Variants in PCOLCE2 observed in about 807,000 individuals in gnomAD.
PCOLCE2 encodes procollagen C-proteinase enhancer 2.
PCOLCE2 carries 42 observed loss-of-function variants against 47.0 expected under a neutral mutation model. The observed-to-expected ratio is 0.89, with a 90% CI of 0.70 to 1.16. PCOLCE2 has a LOEUF of 1.16. PCOLCE2 is among the 50% of genes most tolerant of loss of function. The pLI is 0.00. For missense variants in PCOLCE2, 500 were observed against 526.1 expected, an observed-to-expected ratio of 0.95 and a Z score of 0.49; for synonymous variants, 169 against 191.7, an observed-to-expected ratio of 0.88 and a Z score of 0.98.
At chr3:142,862,512 T>C (rs1933198658) in intron 2 of PCOLCE2, among the ~76,000 whole-genome samples, 1 of 152,224 alleles carries the variant, frequency 6.6e-6, no homozygotes, top group African/African-American at 2.4e-5. Flanking sequence ...ACTGTAATTT[T>C]GGTGGGAAGA....
At chr3:142,868,787 C>T (rs1171408658) in intron 2 of PCOLCE2, among the ~76,000 whole-genome samples, 17 of 152,234 alleles carry the variant, frequency 1.1e-4, no homozygotes, top group Admixed American at 1.1e-3. Context: ...CTTCCCCTCC[C>T]TTGTCAAGTG....
chr3:142,826,888 C>T (rs1055879141), intron 6 of PCOLCE2, among the ~76,000 whole-genome samples: 3 of 152,162 alleles, frequency 2.0e-5, no homozygotes, highest in Non-Finnish European at 2.9e-5. Flanking sequence ...CCTCCTCCCT[C>T]GCCACTGCTT....
chr3:142,831,562 C>T (rs1937152032), intron 5 of PCOLCE2, among the ~76,000 whole-genome samples: 1 of 152,208 alleles, frequency 6.6e-6, no homozygotes, highest in African/African-American at 2.4e-5. Context: ...TTAAATAATG[C>T]TTCTGAGATT....
At position 142,863,488 on chromosome 3, in the gene PCOLCE2, T is replaced by C. The variant is rs73232752; in HGVS notation, c.193-15016A>G. 6.3e-3 allele frequency among the ~76,000 whole-genome samples: 956 copies of C among 152,284 alleles called. 3 individuals carry two copies. Among genetic ancestry groups the C allele is most frequent in the Non-Finnish European group, 0.011 (723 of 68,018 alleles). ...CCAGTTCTCTCAGGAAAGAGGACAT[T>C]TGATCAGATAGATGGGACATGGAAA... On this transcript the variant is annotated intron_variant, in intron 2 of 8. Transcript: ENST00000295992.
At chr3:142,847,119 C>T (rs1010627574) in intron 3 of PCOLCE2, among the ~76,000 whole-genome samples, 1 of 152,202 alleles carries the variant, frequency 6.6e-6, no homozygotes, top group African/African-American at 2.4e-5. Context: ...CTTGGCTAGA[C>T]TCAAACTTAA....
chr3:142,884,202 G>A (rs946575686), intron 2 of PCOLCE2, among the ~76,000 whole-genome samples: 2 of 152,174 alleles, frequency 1.3e-5, no homozygotes, highest in African/African-American at 4.8e-5. Flanking sequence ...CTGTAATAGA[G>A]GGGTCCAGGT....
rs570427725 is a variant in PCOLCE2 at position 142,820,627 on chromosome 3, C to T, written c.1117+251G>A. 2.6e-5 allele frequency among the ~76,000 whole-genome samples: 4 copies of T among 152,310 alleles called. No homozygotes were observed. The South Asian group carries it at 8.3e-4, about 32-fold the overall frequency. The stretch of plus-strand genomic sequence containing the variant: ...TAGTCTAAAATCTCTCCACCCTGCA[C>T]TGCTCTGTGTGTCTGTTGCCTATTG... On this transcript the variant is annotated intron_variant, in intron 8 of 8. Coordinates refer to ENST00000295992, the MANE Select transcript of PCOLCE2 (RefSeq NM_013363.4).
intron 2 of PCOLCE2, among the ~76,000 whole-genome samples, chr3:142,855,826 AAG>A (rs796545070): frequency 5.3e-5 from 8 of 152,272 alleles, no homozygotes; most frequent in African/African-American, 1.9e-4. Context: ...CACACAGGAG[AAG>A]AGAGAGCTGC....
At chr3:142,821,067 A>G in intron 7 of PCOLCE2, 22 bp from the exon 8 acceptor site, 2 of 1,573,552 alleles carry the variant, frequency 1.3e-6, no homozygotes, top group Non-Finnish European at 1.7e-6. Context: ...AACATTTTGA[A>G]GTGATGTGAC....
intron 2 of PCOLCE2, among the ~76,000 whole-genome samples, chr3:142,856,005 C>T (rs1162679691): frequency 2.6e-5 from 4 of 152,198 alleles, no homozygotes; most frequent in Admixed American, 2.0e-4. Context: ...TGTCCTTACC[C>T]AGCACCTCTG....
At position 142,823,533 on chromosome 3, in the gene PCOLCE2, A is replaced by G. The variant is rs1937038744; in HGVS notation, c.948T>C (p.Phe316=). The G allele has an allele frequency of 6.3e-7, 1 of 1,587,000 alleles. No individual in the cohort carries two copies. The highest frequency in any genetic ancestry group is 8.6e-7 in the Non-Finnish European group (1 of 1,157,024). The change falls in exon 7 of 9, where the codon TTT becomes TTC. Residue 316 remains phenylalanine (F), a splice_region_variant and synonymous_variant. Coordinates refer to ENST00000295992, the MANE Select transcript of PCOLCE2 (RefSeq NM_013363.4). ...AAAAGACTGGCTTTTATTTCTTACC[A>G]AAGTCACTTGAACAATAATTGCCCT... ...TLEGNYCSSD[F]VLAGTVITTI...
intron 6 of PCOLCE2, chr3:142,827,564 A>G (rs971324999): frequency 1.2e-5 from 18 of 1,471,144 alleles, no homozygotes; most frequent in Admixed American, 6.7e-5. Flanking sequence ...GCCCACAGGG[A>G]GCACACTGCC....
chr3:142,826,805 T>C (rs2608069), intron 6 of PCOLCE2, among the ~76,000 whole-genome samples: 5 of 152,102 alleles, frequency 3.3e-5, no homozygotes, highest in Non-Finnish European at 7.3e-5. Context: ...TCATCAACGC[T>C]TGACTCACTT....
At chr3:142,855,770 G>A (rs537388726) in intron 2 of PCOLCE2, among the ~76,000 whole-genome samples, 1 of 152,172 alleles carries the variant, frequency 6.6e-6, no homozygotes, top group African/African-American at 2.4e-5. Context: ...GCTCTAAGGA[G>A]GGGATTCAGT....
intron 2 of PCOLCE2, among the ~76,000 whole-genome samples, chr3:142,886,077 A>C (rs1170992556): frequency 2.0e-5 from 3 of 152,222 alleles, no homozygotes; most frequent in African/African-American, 7.2e-5. Flanking sequence ...ATTTGAATCC[A>C]GGGAAGTGAC....
chr3:142,868,697 A>G (rs911503115), intron 2 of PCOLCE2, among the ~76,000 whole-genome samples: 2 of 152,178 alleles, frequency 1.3e-5, no homozygotes, highest in African/African-American at 4.8e-5. Flanking sequence ...GAATTAGTTT[A>G]GCCTGTGCGG....
Position 142,829,708 on chromosome 3 carries a change from T to TG in PCOLCE2, c.848dup (p.Phe284IlefsTer19). On this transcript the variant is annotated frameshift_variant, in exon 6 of 9. Coordinates refer to ENST00000295992, the MANE Select transcript of PCOLCE2 (RefSeq NM_013363.4). LOFTEE classifies it high-confidence loss of function. Reference sequence around the variant, plus strand: ...AAAACTTACCCGTGGTTACAGGGAATGTGGTGGTGACAGGCTGTTCTGTAG... The same window carrying TG: ...AAAACTTACCCGTGGTTACAGGGAATGGTGGTGGTGACAGGCTGTTCTGTAG... 1.9e-6 allele frequency: 3 copies of TG among 1,591,642 alleles called. No homozygotes were observed. Among genetic ancestry groups the TG allele is most frequent in the Non-Finnish European group, 2.6e-6 (3 of 1,168,922 alleles).
chr3:142,864,353 C>T (rs772505392), intron 2 of PCOLCE2: 1 of 152,166 alleles, frequency 6.6e-6, no homozygotes, highest in Non-Finnish European at 1.5e-5. Flanking sequence ...CTTCGAATGC[C>T]ATATAGAGCA....
chr3:142,880,019 T>C (rs1001302238), intron 2 of PCOLCE2, among the ~76,000 whole-genome samples: 6 of 150,770 alleles, frequency 4.0e-5, no homozygotes, highest in Non-Finnish European at 7.4e-5. Flanking sequence ...AAATTATACT[T>C]TCTGGATTAA....
Sources: gnomAD v4.1 joint callset for allele counts (sites outside exome capture counted in the v4.1 genomes callset) on GRCh38, gnomAD v4.1.1 for gene constraint, MANE v1.5 for transcripts, NCBI Gene and HGNC (gene_info 2026-07-23, HGNC 2026-07-21) for gene names.